Variants in WDR36 observed in about 807,000 individuals in gnomAD.
WDR36 encodes WD repeat domain 36, also known as WD repeat-containing protein 36.
WDR36 carries 63 observed loss-of-function variants against 112.7 expected under a neutral mutation model. The observed-to-expected ratio is 0.56, with a 90% CI of 0.46 to 0.69. WDR36 has a LOEUF of 0.69. Ranked by LOEUF, WDR36 falls within the 30% of genes least tolerant of loss-of-function variation. WDR36 has a pLI of 0.00. For synonymous variants in WDR36, 410 were observed against 362.2 expected (o/e 1.13, Z -1.50); for missense variants, 1,226 against 1,070.3 (o/e 1.15, Z -2.03).
chr5:111,117,630 C>G lies in WDR36; in HGVS notation c.1797-1383C>G, dbSNP rs562013936. ...TCAAATCTTACTGGGCCTCAGTTTT[C>G]TGGACTGATCCGCCTTAATAGGGTT... On this transcript the variant is annotated intron_variant, in intron 16 of 22. Coordinates refer to ENST00000513710, the MANE Select transcript of WDR36 (RefSeq NM_139281.3). 2.0e-4 allele frequency among the ~76,000 whole-genome samples: 30 copies of G among 152,270 alleles called. No individual in the cohort carries two copies. The South Asian group carries it at 6.2e-3, about 32-fold the overall frequency.
In WDR36 at chr5:111,110,967, G is replaced by A. The variant is rs1753325046; in HGVS notation, c.1607+14G>A. ...ACATAGGGACAGGTAAACTTTTAAT[G>A]ATAATGGATTTTCTCTTTGATTCTT... On this transcript the variant is annotated intron_variant, in intron 14 of 22. Coordinates refer to ENST00000513710, the MANE Select transcript of WDR36 (RefSeq NM_139281.3). The A allele has an allele frequency of 6.2e-7, 1 of 1,610,280 alleles. No homozygotes were observed. The highest frequency in any genetic ancestry group is 2.2e-5 in the East Asian group (1 of 44,792).
At chr5:111,101,995 A>C (rs568707543) in intron 5 of WDR36, among the ~76,000 whole-genome samples, 70 of 151,918 alleles carry the variant, frequency 4.6e-4, no homozygotes, top group African/African-American at 1.1e-3. Context: ...TATTTTTATT[A>C]AAATATAAGT....
Position 111,100,580 on chromosome 5 carries a change from C to T in WDR36, c.410-9C>T. 6.6e-7 allele frequency: 1 copy of T among 1,517,560 alleles called. No individual in the cohort carries two copies. The highest frequency in any genetic ancestry group is 1.2e-5 in the South Asian group (1 of 80,554). The allele number at this position is 1,517,560 out of a possible 1,614,324, so 94.0% of individuals were successfully genotyped here. On this transcript the variant is annotated splice_polypyrimidine_tract_variant and intron_variant, in intron 4 of 22. Transcript: ENST00000513710. ...TTATAAAAAATATTTATAACTTTCA[C>T]TTTTGTAGAAGAATACCTGCAGTTG...
chr5:111,106,454 C>T (rs1251094390), intron 11 of WDR36, among the ~76,000 whole-genome samples: 1 of 151,342 alleles, frequency 6.6e-6, no homozygotes, highest in Non-Finnish European at 1.5e-5. Context: ...ACTGGAACAG[C>T]AGAGTATGAG....
At position 111,103,730 on chromosome 5, in the gene WDR36, G is replaced by A. The variant is rs1753166069; in HGVS notation, c.598-56G>A. On this transcript the variant is annotated intron_variant, in intron 6 of 22. Coordinates refer to ENST00000513710, the MANE Select transcript of WDR36 (RefSeq NM_139281.3). ...ACCTAATAATGATGCGTATCATCAG[G>A]ATTATTAAAGCTATTTTGCTTAAGA... The A allele has an allele frequency of 2.5e-6, 4 of 1,600,108 alleles. No individual in the cohort carries two copies. In the South Asian group the frequency reaches 4.4e-5, roughly 18 times the overall value.
chr5:111,117,469 G>T (rs1345986708), intron 16 of WDR36, among the ~76,000 whole-genome samples: 1 of 152,198 alleles, frequency 6.6e-6, no homozygotes, highest in Non-Finnish European at 1.5e-5. Flanking sequence ...CTCAGTGTGT[G>T]TAAGCTGTTG....
Position 111,107,381 on chromosome 5 carries a change from C to T in WDR36, c.1268C>T (p.Thr423Ile). Residue 423 changes from threonine (T) to isoleucine (I), a missense_variant, in exon 12 of 23, where the codon ACA becomes ATA. Coordinates refer to ENST00000513710, the MANE Select transcript of WDR36 (RefSeq NM_139281.3). ...SCSTWNYQKS[T>I]IGAYFLKPKE... ...TCAACCTGGAATTATCAGAAATCTA[C>T]AATAGGCGCTTACTTTCTCAAGCCA... 2 of 1,610,494 alleles carry T rather than the reference C, an allele frequency of 1.2e-6. No homozygotes were observed. Among genetic ancestry groups the T allele is most frequent in the African/African-American group, 1.3e-5 (1 of 74,800 alleles).
Position 111,127,018 on chromosome 5 carries a change from AT to A in WDR36, c.*136del. The stretch of plus-strand genomic sequence containing the variant: ...ACTAGTCAGTATATCTCCACTTTAA[AT>A]GCTAAATACTTTCTTGAAATAAAAT... On this transcript the variant is annotated 3_prime_UTR_variant, in exon 23 of 23. Coordinates refer to ENST00000513710, the MANE Select transcript of WDR36 (RefSeq NM_139281.3). 2.4e-6 allele frequency: 2 copies of A among 824,928 alleles called. No homozygotes were observed. The highest frequency in any genetic ancestry group is 3.7e-6 in the Non-Finnish European group (2 of 546,092). The allele number at this position is 824,928 out of a possible 1,614,324, so 51.1% of individuals were successfully genotyped here.
intron 5 of WDR36, among the ~76,000 whole-genome samples, chr5:111,101,293 A>G (rs943176113): frequency 6.6e-6 from 1 of 151,964 alleles, no homozygotes; most frequent in African/African-American, 2.4e-5. Context: ...TAATAACTGT[A>G]AAGAATTGCT....
rs1031915430 is a variant in WDR36 at position 111,128,386 on chromosome 5, A to G, written c.*1503A>G. ...ATAAGCCAATGTGGTTATTGTACTC[A>G]ATTTCGTTTTTCTTTTAGAAATGTG... On this transcript the variant is annotated 3_prime_UTR_variant, in exon 23 of 23. Coordinates refer to ENST00000513710, the MANE Select transcript of WDR36 (RefSeq NM_139281.3). 1.1e-5 allele frequency: 2 copies of G among 183,746 alleles called. No individual in the cohort carries two copies. The highest frequency in any genetic ancestry group is 6.3e-5 in the Admixed American group (1 of 15,994). The allele number at this position is 183,746 out of a possible 1,614,324, so 11.4% of individuals were successfully genotyped here.
In WDR36 at chr5:111,092,601, A is replaced by G. The variant is rs1209315853; in HGVS notation, c.145A>G (p.Ser49Gly). ...RFYVTTCVGK[S>G]FHTYDVQKLS... ...CTATGTAACAACCTGCGTGGGCAAGAGTTTCCACACCTATGACGTGAGTGA... is the reference window on the plus strand; with the variant it reads ...CTATGTAACAACCTGCGTGGGCAAGGGTTTCCACACCTATGACGTGAGTGA... Residue 49 changes from serine to glycine, a missense_variant, in exon 1 of 23, where the codon AGT becomes GGT. Coordinates refer to ENST00000513710, the MANE Select transcript of WDR36 (RefSeq NM_139281.3). The G allele has an allele frequency of 6.2e-7, 1 of 1,613,524 alleles. No homozygotes were observed. The highest frequency in any genetic ancestry group is 8.5e-7 in the Non-Finnish European group (1 of 1,179,866).
chr5:111,106,248 TAAG>T, intron 11 of WDR36, 105 bp downstream of exon 11: 2 of 1,082,456 alleles, frequency 1.8e-6, no homozygotes, highest in Non-Finnish European at 2.8e-6. Context: ...CAAATATTAA[TAAG>T]CATTCAGAAG....
At chr5:111,118,001 C>T (rs772314251) in intron 16 of WDR36, among the ~76,000 whole-genome samples, 1 of 152,162 alleles carries the variant, frequency 6.6e-6, no homozygotes, top group Non-Finnish European at 1.5e-5. Flanking sequence ...ATGATTACTA[C>T]CATACTGTCA....
At chr5:111,105,168 G>A (rs976208981) in intron 9 of WDR36, 127 bp from the exon 10 acceptor site, 47 of 967,174 alleles carry the variant, frequency 4.9e-5, no homozygotes, top group Non-Finnish European at 7.1e-5. Flanking sequence ...TTGCAATCTG[G>A]TTTTCCCTTT....
At position 111,102,356 on chromosome 5, in the gene WDR36, A is replaced by G. The variant is rs753319676; in HGVS notation, c.554A>G (p.Tyr185Cys). The G allele has an allele frequency of 5.6e-6, 9 of 1,610,026 alleles. No individual in the cohort carries two copies. Among genetic ancestry groups the G allele is most frequent in the Non-Finnish European group, 6.8e-6 (8 of 1,177,572 alleles). The change falls in exon 6 of 23, where the codon TAT becomes TGT. Residue 185 changes from tyrosine (Y) to cysteine (C), a missense_variant. Coordinates refer to ENST00000513710, the MANE Select transcript of WDR36 (RefSeq NM_139281.3). ...LWNVKSNKLL[Y>C]TFPGWKVGVT... Reference sequence around the variant, plus strand: ...TTTTCTTCTTGTAGTAAACTTCTATATACATTTCCAGGATGGAAAGTTGGA... The same window carrying G: ...TTTTCTTCTTGTAGTAAACTTCTATGTACATTTCCAGGATGGAAAGTTGGA...
At chr5:111,125,896 T>C (rs1031350581) in intron 22 of WDR36, 101 bp downstream of exon 22, 1 of 1,245,822 alleles carries the variant, frequency 8.0e-7, no homozygotes, top group African/African-American at 1.5e-5. Flanking sequence ...ATATCCATCC[T>C]TTCCAGTATC....
In WDR36 at chr5:111,110,235, C is replaced by T. The variant is rs1245508736; in HGVS notation, c.1373C>T (p.Ser458Leu). The change falls in exon 13 of 23, where the codon TCA becomes TTA. Residue 458 changes from serine to leucine, a missense_variant. Ser to Leu is a moderately radical substitution (Grantham distance 145). Transcript: ENST00000513710. ...SCGNFAVIGL[S>L]SGTVDVYNMQ... ...GGAAACTTTGCTGTAATTGGCCTCT[C>T]ATCAGGAACTGTAGATGTATATAAC... 1.9e-6 allele frequency: 3 copies of T among 1,610,886 alleles called. No individual in the cohort carries two copies. The highest frequency in any genetic ancestry group is 2.5e-6 in the Non-Finnish European group (3 of 1,177,680).
intron 1 of WDR36, among the ~76,000 whole-genome samples, chr5:111,094,365 G>A (rs1213202832): frequency 1.3e-5 from 2 of 152,172 alleles, no homozygotes; most frequent in Non-Finnish European, 2.9e-5. Context: ...GGGTCATACA[G>A]CTGGATCAGT....
chr5:111,095,212 C>T, intron 2 of WDR36: 1 of 394,624 alleles, frequency 2.5e-6, no homozygotes, highest in South Asian at 3.5e-5. Context: ...TTGAAGAGTA[C>T]AGGCTCATTT....
Sources: allele counts gnomAD v4.1 joint callset (sites outside exome capture counted in the v4.1 genomes callset), GRCh38; gene constraint gnomAD v4.1.1; transcripts MANE v1.5; gene names NCBI Gene and HGNC (gene_info 2026-07-23, HGNC 2026-07-21).